The following ELP4 variants were observed in gnomAD, a reference collection of about 807,000 sequenced individuals.
The protein encoded by ELP4 is elongator complex protein 4.
In ELP4, 51 loss-of-function variants were observed where a neutral mutation model predicts 48.9. The ratio of observed to expected loss-of-function variants is 1.04; its 90% CI spans 0.83 to 1.32. The LOEUF is 1.32. Ranked by LOEUF, ELP4 falls within the 40% of genes most tolerant of loss-of-function variation. ELP4 has a pLI of 0.00. For synonymous variants in ELP4, 210 were observed against 189.2 expected (o/e 1.11, Z -0.90); for missense variants, 519 against 514.6 (o/e 1.01, Z -0.08).
At chr11:31,748,912 G>A (rs922359949) in intron 9 of ELP4, among the ~76,000 whole-genome samples, 46 of 152,286 alleles carry the variant, frequency 3.0e-4, no homozygotes, top group African/African-American at 1.1e-3. Flanking sequence ...GGTCTAGAAT[G>A]AGGACAGTGC....
intron 9 of ELP4, among the ~76,000 whole-genome samples, chr11:31,685,179 T>C (rs1211847058): frequency 1.3e-5 from 2 of 151,958 alleles, no homozygotes; most frequent in East Asian, 3.9e-4. Context: ...GGTGAAACCC[T>C]GTCTCTACTA....
chr11:31,587,409 A>G (rs1049998293), intron 3 of ELP4, among the ~76,000 whole-genome samples: 1 of 152,156 alleles, frequency 6.6e-6, no homozygotes, highest in Admixed American at 6.6e-5. Context: ...AGTAAGTGCT[A>G]ATTTCCTCAT....
chr11:31,654,975 T>C (rs902520738), intron 9 of ELP4: 4 of 97,922 alleles, frequency 4.1e-5, no homozygotes, highest in African/African-American at 5.4e-5. Context: ...CTGTTTCAAC[T>C]AGCTTTTATT....
chr11:31,652,421 A>C (rs1945339791), intron 9 of ELP4: 1 of 151,738 alleles, frequency 6.6e-6, no homozygotes, highest in African/African-American at 2.4e-5. Context: ...AGCATTGTAC[A>C]TTCTAAAATG....
intron 9 of ELP4, among the ~76,000 whole-genome samples, chr11:31,741,134 G>A (rs1355926368): frequency 2.0e-5 from 3 of 152,078 alleles, no homozygotes; most frequent in East Asian, 1.9e-4. Flanking sequence ...ATGGAGTCTC[G>A]CTTATTGCTA....
rs531053900 is a variant in ELP4, at chr11:31,624,142, T to C, written c.654-2968T>C. ...AGAACAGCCATTGTAGAAAACAGTA[T>C]AGAGGTTCCTTTAAAAATCAGAAAG... is the stretch of plus-strand genomic sequence containing the variant. On this transcript the variant is annotated intron_variant, in intron 5 of 9. Transcript: ENST00000640961. Among the ~76,000 whole-genome samples the C allele has an allele frequency of 4.6e-5, 7 of 151,968 alleles. No homozygotes were observed. In the South Asian group the frequency reaches 6.2e-4, roughly 14 times the overall value.
At chr11:31,750,116 G>A (rs559716107) in intron 9 of ELP4, among the ~76,000 whole-genome samples, 4 of 151,666 alleles carry the variant, frequency 2.6e-5, no homozygotes, top group East Asian at 3.9e-4. Flanking sequence ...TGCCTGCCTC[G>A]GCCTCCCAAA....
chr11:31,608,366 T>A (rs927583444), intron 5 of ELP4, among the ~76,000 whole-genome samples: 1 of 151,446 alleles, frequency 6.6e-6, no homozygotes, highest in Non-Finnish European at 1.5e-5. Flanking sequence ...AAGATGGAAG[T>A]GTTATATGGA....
rs1298858359 is a variant in ELP4 at position 31,678,103 on chromosome 11, T to A, written c.1143+27882T>A. On this transcript the variant is annotated intron_variant, in intron 9 of 9. Coordinates refer to ENST00000640961, the MANE Select transcript of ELP4 (RefSeq NM_019040.5). ...CAATTTTGCCTTTTTCACAATGCCA[T>A]GTAATTACGTAGATTGTAGCTTCCT... 2.0e-5 allele frequency among the ~76,000 whole-genome samples: 3 copies of A among 152,184 alleles called. No individual in the cohort carries two copies. The East Asian group carries it at 5.8e-4, about 29-fold the overall frequency.
At chr11:31,694,741 T>A (rs899476294) in intron 9 of ELP4, among the ~76,000 whole-genome samples, 1 of 152,174 alleles carries the variant, frequency 6.6e-6, no homozygotes, top group Non-Finnish European at 1.5e-5. Context: ...GACTATAAAT[T>A]ATTTTGGGCA....
intron 1 of ELP4, among the ~76,000 whole-genome samples, chr11:31,512,804 C>T (rs1262457893): frequency 3.4e-5 from 5 of 146,524 alleles, no homozygotes; most frequent in Non-Finnish European, 6.0e-5. Flanking sequence ...CCCCCTCCCC[C>T]GCCCCGCCCA....
At chr11:31,549,078 A>G (rs1435093897) in intron 3 of ELP4, among the ~76,000 whole-genome samples, 2 of 152,126 alleles carry the variant, frequency 1.3e-5, no homozygotes, top group South Asian at 2.1e-4. Context: ...AGGCATGGGC[A>G]AGGACTTCAT....
intron 9 of ELP4, among the ~76,000 whole-genome samples, chr11:31,730,461 T>G (rs1013177656): frequency 2.0e-5 from 3 of 152,124 alleles, no homozygotes; most frequent in African/African-American, 7.2e-5. Context: ...GGATTACATT[T>G]TAACATGAAT....
At chr11:31,740,150 G>A (rs144291212) in intron 9 of ELP4, among the ~76,000 whole-genome samples, 16 of 152,266 alleles carry the variant, frequency 1.1e-4, no homozygotes, top group Non-Finnish European at 1.9e-4. Flanking sequence ...CCTAGAGTTC[G>A]TCAGATAATT....
intron 5 of ELP4, among the ~76,000 whole-genome samples, chr11:31,604,219 C>T (rs1455278710): frequency 1.3e-5 from 2 of 151,698 alleles, no homozygotes; most frequent in African/African-American, 4.8e-5. Flanking sequence ...CAGAGTCTTT[C>T]AGCTTTAAAT....
intron 3 of ELP4, among the ~76,000 whole-genome samples, chr11:31,569,832 C>T (rs1021935608): frequency 3.9e-5 from 6 of 152,142 alleles, no homozygotes; most frequent in Non-Finnish European, 7.4e-5. Context: ...CATCTCACAC[C>T]AGTCAGAATG....
At chr11:31,522,107 T>C (rs1956223252) in intron 2 of ELP4, among the ~76,000 whole-genome samples, 1 of 152,190 alleles carries the variant, frequency 6.6e-6, no homozygotes, top group South Asian at 2.1e-4. Flanking sequence ...TAAAGTACTG[T>C]TTAAGACAGA....
intron 3 of ELP4, among the ~76,000 whole-genome samples, chr11:31,564,229 C>A (rs1036373433): frequency 6.6e-6 from 1 of 151,984 alleles, no homozygotes; most frequent in African/African-American, 2.4e-5. Context: ...TCAGAATGTT[C>A]CTTCTTTGTT....
intron 7 of ELP4, among the ~76,000 whole-genome samples, chr11:31,635,002 T>A (rs1944942910): frequency 6.6e-6 from 1 of 152,010 alleles, no homozygotes; most frequent in Non-Finnish European, 1.5e-5. Flanking sequence ...TAATACCAAT[T>A]GAGTTATAAA....
Sources: gnomAD v4.1 joint callset for allele counts (sites outside exome capture counted in the v4.1 genomes callset) on GRCh38, gnomAD v4.1.1 for gene constraint, MANE v1.5 for transcripts, NCBI Gene and HGNC (gene_info 2026-07-23, HGNC 2026-07-21) for gene names.